ABCA6: variants seen among roughly 807,000 people sequenced by gnomAD.
The protein encoded by ABCA6 is ATP-binding cassette sub-family A member 6.
Under a neutral mutation model 191.2 loss-of-function variants are expected in ABCA6, and 164 were observed. The observed-to-expected ratio is 0.86, with a 90% CI of 0.76 to 0.98. ABCA6 has a LOEUF of 0.98. Ranked by LOEUF, ABCA6 falls within the 50% of genes least tolerant of loss-of-function variation. The probability of loss-of-function intolerance (pLI) is 0.00; values close to 1 mark genes in which losing one functional copy is unlikely to be tolerated. For missense variants in ABCA6, 1,958 were observed against 1,894.1 expected, an observed-to-expected ratio of 1.03 and a Z score of -0.63; for synonymous variants, 636 against 647.7, an observed-to-expected ratio of 0.98 and a Z score of 0.27.
Position 69,100,825 on chromosome 17 carries a change from A to T in ABCA6, c.2984T>A (p.Ile995Asn). Reference protein sequence around the residue: ...LLQMFNHTQHIRIESSPFPLS... With the variant: ...LLQMFNHTQHNRIESSPFPLS... ...AGGAAATGGGCTTGACTCAATTCGA[A>T]TATGTTGTGTGTGATTAAACATTTG... The change falls in exon 22 of 39, where the codon ATT (isoleucine) becomes AAT (asparagine). Residue 995 changes from isoleucine (I) to asparagine (N), a missense_variant. Coordinates refer to ENST00000284425, the MANE Select transcript of ABCA6 (RefSeq NM_080284.3). 6.2e-7 allele frequency: 1 copy of T among 1,611,910 alleles called. No homozygotes were observed. The highest frequency in any genetic ancestry group is 8.5e-7 in the Non-Finnish European group (1 of 1,179,216).
chr17:69,140,604 A>G lies in ABCA6; in HGVS notation c.96+4T>C, dbSNP rs1167320094. On this transcript the variant is annotated splice_donor_region_variant and intron_variant, in intron 2 of 38. Transcript: ENST00000284425. ...CGTGGAAAGAGACAAATTTTTAAAC[A>G]TACCAATAAGCTCTCTCTTTTCATC... 1 of 1,586,104 alleles carries G rather than the reference A, an allele frequency of 6.3e-7. No homozygotes were observed.
At position 69,083,327 on chromosome 17, in the gene ABCA6, C is replaced by T. The variant is rs756449112; in HGVS notation, c.4360G>A (p.Ala1454Thr). 38 of 1,584,646 alleles carry T rather than the reference C, an allele frequency of 2.4e-5. No individual in the cohort carries two copies. The highest frequency in any genetic ancestry group is 2.8e-5 in the Non-Finnish European group (33 of 1,171,856). ...DPTGQQQMWQ[A>T]IQAVVKNTER... is the part of the protein sequence containing the mutation. ...GTGTTTTTAACGACTGCCTGGATTGCCTGCCTGCAGTGAGCAAAAAAATTA... is the reference window on the plus strand; with the variant it reads ...GTGTTTTTAACGACTGCCTGGATTGTCTGCCTGCAGTGAGCAAAAAAATTA... Residue 1454 changes from alanine (A) to threonine (T), a missense_variant, in exon 35 of 39, where the codon GCA becomes ACA. Coordinates refer to ENST00000284425, the MANE Select transcript of ABCA6 (RefSeq NM_080284.3).
At chr17:69,132,487 T>A (rs982421262) in intron 6 of ABCA6, among the ~76,000 whole-genome samples, 5 of 150,694 alleles carry the variant, frequency 3.3e-5, no homozygotes, top group Non-Finnish European at 5.9e-5. Context: ...TTTGTTTGTA[T>A]GTTTGTTTGT....
intron 18 of ABCA6, 52 bp from the exon 19 acceptor site, chr17:69,106,263 T>G (rs763722944): frequency 6.7e-7 from 1 of 1,485,612 alleles, no homozygotes; most frequent in South Asian, 1.4e-5. Context: ...AATGCCATCC[T>G]GGAGGCATCA....
chr17:69,140,837 A>G lies in ABCA6; in HGVS notation c.-45-89T>C, dbSNP rs566358139. On this transcript the variant is annotated intron_variant, in intron 1 of 38. Transcript: ENST00000284425. ...CTTTAAAAAGTGTAAACATGAATTT[A>G]AAATATTATTTCAATAATTTATGAC... The G allele has an allele frequency of 2.7e-5, 12 of 446,598 alleles. No individual in the cohort carries two copies. The South Asian group carries it at 7.3e-4, about 27-fold the overall frequency. The allele number at this position is 446,598 out of a possible 1,614,324, so 27.7% of individuals were successfully genotyped here. A position where few individuals can be genotyped will look rare whatever the true frequency, so the allele number is the denominator to read the frequency against.
At chr17:69,107,348 A>G (rs1318211632) in intron 18 of ABCA6, among the ~76,000 whole-genome samples, 1 of 152,280 alleles carries the variant, frequency 6.6e-6, no homozygotes, top group East Asian at 1.9e-4. Flanking sequence ...CTTTAGTGGA[A>G]TTTTGTATAT....
intron 7 of ABCA6, among the ~76,000 whole-genome samples, chr17:69,129,105 T>C (rs1362561734): frequency 6.6e-6 from 1 of 152,100 alleles, no homozygotes; most frequent in African/African-American, 2.4e-5. Context: ...GTAATGAAGC[T>C]AAATTAATGT....
At chr17:69,118,693 C>T (rs1482902035) in intron 10 of ABCA6, among the ~76,000 whole-genome samples, 6 of 151,998 alleles carry the variant, frequency 3.9e-5, no homozygotes, top group Non-Finnish European at 4.4e-5. Flanking sequence ...TCTTATTTTT[C>T]TAAATGTTCC....
intron 10 of ABCA6, among the ~76,000 whole-genome samples, chr17:69,121,575 G>T (rs2073644149): frequency 6.6e-6 from 1 of 152,008 alleles, no homozygotes; most frequent in Non-Finnish European, 1.5e-5. Flanking sequence ...ACATTGGCTA[G>T]GTTTGGAGGC....
intron 37 of ABCA6, among the ~76,000 whole-genome samples, chr17:69,079,833 T>C (rs1196697345): frequency 1.3e-5 from 2 of 152,324 alleles, no homozygotes; most frequent in African/African-American, 4.8e-5. Context: ...TGCATTTTAG[T>C]GGGAGGAATT....
At chr17:69,087,585 T>C (rs1013852692) in intron 28 of ABCA6, 112 bp from the exon 29 acceptor site, 3 of 1,365,216 alleles carry the variant, frequency 2.2e-6, no homozygotes, top group Non-Finnish European at 2.0e-6. Flanking sequence ...GTGCAGGTGA[T>C]GATGTGATGA....
Position 69,110,942 on chromosome 17 carries a change from T to G in ABCA6, c.2133-2A>C. Reference sequence around the variant, plus strand: ...TTACATATTTCATTCCTATGTAAACTAATATTTAAAAGAAAAGATAAGTCA... The same window carrying G: ...TTACATATTTCATTCCTATGTAAACGAATATTTAAAAGAAAAGATAAGTCA... On this transcript the variant is annotated splice_acceptor_variant, in intron 16 of 38. Coordinates refer to ENST00000284425, the MANE Select transcript of ABCA6 (RefSeq NM_080284.3). LOFTEE classifies it high-confidence loss of function. 1 of 1,583,136 alleles carries G rather than the reference T, an allele frequency of 6.3e-7. No individual in the cohort carries two copies. Among genetic ancestry groups the G allele is most frequent in the Non-Finnish European group, 8.6e-7 (1 of 1,168,892 alleles).
At chr17:69,132,857 CATAT>C (rs1386062972) in intron 6 of ABCA6, among the ~76,000 whole-genome samples, 1 of 132,270 alleles carries the variant, frequency 7.6e-6, no homozygotes. Context: ...TACCTACATA[CATAT>C]ATACATACAT....
chr17:69,112,347 G>A (rs2073440967), intron 15 of ABCA6, 74 bp from the exon 16 acceptor site: 1 of 1,202,718 alleles, frequency 8.3e-7, no homozygotes, highest in East Asian at 2.3e-5. Context: ...AAGACGAGGA[G>A]CCAAGGCTCA....
Position 69,137,280 on chromosome 17 carries a change from C to T in ABCA6, c.301+16G>A, listed in dbSNP as rs2073964604. On this transcript the variant is annotated intron_variant, in intron 3 of 38. Transcript: ENST00000284425. ...ACATCTATCAGTAACTCTTTTTTTG[C>T]CATGAGTACACCTACCTTTCAAAAG... is the stretch of plus-strand genomic sequence containing the variant. 1.2e-6 allele frequency: 2 copies of T among 1,600,936 alleles called. No homozygotes were observed. The highest frequency in any genetic ancestry group is 1.7e-5 in the Admixed American group (1 of 57,460).
chr17:69,123,596 A>G (rs553607265), intron 9 of ABCA6, among the ~76,000 whole-genome samples, 189 bp from the exon 10 acceptor site: 1 of 152,236 alleles, frequency 6.6e-6, no homozygotes, highest in East Asian at 1.9e-4. Flanking sequence ...CAAAGGAAAT[A>G]ACATATTGCA....
intron 2 of ABCA6, among the ~76,000 whole-genome samples, chr17:69,139,033 G>T (rs1437384429): frequency 6.6e-6 from 1 of 152,072 alleles, no homozygotes; most frequent in Non-Finnish European, 1.5e-5. Context: ...GACATAAGCA[G>T]GGGCAAGGAC....
Position 69,086,629 on chromosome 17 carries a change from C to T in ABCA6, c.3926G>A (p.Cys1309Tyr). The T allele has an allele frequency of 6.2e-7, 1 of 1,609,272 alleles. No individual in the cohort carries two copies. Among genetic ancestry groups the T allele is most frequent in the Non-Finnish European group, 8.5e-7 (1 of 1,176,264 alleles). The part of the protein sequence containing the change: ...KKIAARNISF[C>Y]VQEGEILGLL... ...GGATTATTACAGACCTTCTTGAACACAGAAAGAGATATTTCTTGCTGCTAT... is the reference window on the plus strand; with the variant it reads ...GGATTATTACAGACCTTCTTGAACATAGAAAGAGATATTTCTTGCTGCTAT... Residue 1309 changes from cysteine (C) to tyrosine (Y), a missense_variant, in exon 30 of 39, where the codon TGT becomes TAT. Physicochemically the swap from Cys to Tyr is radical, Grantham distance 194 (BLOSUM62 -2). Coordinates refer to ENST00000284425, the MANE Select transcript of ABCA6 (RefSeq NM_080284.3).
intron 10 of ABCA6, among the ~76,000 whole-genome samples, chr17:69,120,920 G>T (rs1026720267): frequency 6.6e-6 from 1 of 151,956 alleles, no homozygotes; most frequent in African/African-American, 2.4e-5. Flanking sequence ...TACAAACCCA[G>T]AATCATGATT....
Sources: gnomAD v4.1 joint callset for allele counts (sites outside exome capture counted in the v4.1 genomes callset) on GRCh38, gnomAD v4.1.1 for gene constraint, MANE v1.5 for transcripts, NCBI Gene and HGNC (gene_info 2026-07-23, HGNC 2026-07-21) for gene names.